RGS3: variants seen among roughly 807,000 people sequenced by gnomAD.
The protein encoded by RGS3 is regulator of G-protein signalling 3.
Under a neutral mutation model 132.6 loss-of-function variants are expected in RGS3, and 80 were observed. The observed-to-expected ratio is 0.60, with a 90% CI of 0.50 to 0.73. RGS3 has a LOEUF of 0.73. Ranked by LOEUF, RGS3 falls within the 30% of genes least tolerant of loss-of-function variation. The probability of loss-of-function intolerance (pLI) is 0.00; values close to 1 mark genes in which losing one functional copy is unlikely to be tolerated. For missense variants in RGS3, 1,382 were observed against 1,530.8 expected (o/e 0.90, Z 1.62); for synonymous variants, 598 against 620.6 (o/e 0.96, Z 0.54).
intron 19 of RGS3, among the ~76,000 whole-genome samples, chr9:113,572,867 T>C (rs1588271475): frequency 6.6e-6 from 1 of 152,208 alleles, no homozygotes; most frequent in Non-Finnish European, 1.5e-5. Context: ...GCTTCCAAGT[T>C]TCCCCCCCTG....
intron 1 of RGS3, among the ~76,000 whole-genome samples, chr9:113,449,801 G>GCCGTGATCTC: frequency 6.6e-6 from 1 of 151,996 alleles, no homozygotes; most frequent in East Asian, 1.9e-4. Flanking sequence ...GGAGTGCAGT[G>GCCGTGATCTC]GCTCAGTCTT....
intron 15 of RGS3, among the ~76,000 whole-genome samples, chr9:113,515,851 C>T (rs1322001734): frequency 6.6e-6 from 1 of 152,144 alleles, no homozygotes; most frequent in African/African-American, 2.4e-5. Context: ...GTTGCCCACT[C>T]TTCTTTTATA....
chr9:113,565,089 G>A lies in RGS3; in HGVS notation c.2038-18361G>A. The A allele has an allele frequency of 6.0e-6, 7 of 1,158,050 alleles. No homozygotes were observed. Among genetic ancestry groups the A allele is most frequent in the East Asian group, 6.6e-5 (1 of 15,206 alleles). 71.7% of individuals were successfully genotyped at this position (1,158,050 alleles called of 1,614,324 possible). A position where few individuals can be genotyped will look rare whatever the true frequency, so the allele number is the denominator to read the frequency against. On this transcript the variant is annotated intron_variant, in intron 19 of 24. Transcript: ENST00000350696. This position sits in a 1 kb window ranked among gnomAD's most constrained non-coding sequence, Gnocchi z 5.7. ...GGGGGTGCCGTTGTGAGGGATGGAC[G>A]CCTCTCCCCCGGAGCAGCACTTTGG... is the stretch of plus-strand genomic sequence containing the variant.
At position 113,524,156 on chromosome 9, in the gene RGS3, G is replaced by T. The variant is rs551855393; in HGVS notation, c.1870+1115G>T. 2.0e-5 allele frequency among the ~76,000 whole-genome samples: 3 copies of T among 152,282 alleles called. No individual in the cohort carries two copies. The East Asian group carries it at 5.8e-4, about 29-fold the overall frequency. On this transcript the variant is annotated intron_variant, in intron 17 of 24. Transcript: ENST00000350696. ...CCCCATGCCTGCTGGAGGGCATTAG[G>T]TTGGAGTTCCAGTGGCCTCTGTTCC...
chr9:113,535,809 A>T (rs1051507324), intron 18 of RGS3, among the ~76,000 whole-genome samples: 1 of 152,018 alleles, frequency 6.6e-6, no homozygotes, highest in African/African-American at 2.4e-5. Context: ...ATCAAATTCT[A>T]GTGGAGGCAG....
chr9:113,496,657 TCTCCTGCCTCAGC>T (rs1830693678), intron 8 of RGS3, among the ~76,000 whole-genome samples: 1 of 152,086 alleles, frequency 6.6e-6, no homozygotes. Flanking sequence ...TTCAAGCAAT[TCTCCTGCCTCAGC>T]CTCCTGAGTA....
intron 3 of RGS3, among the ~76,000 whole-genome samples, chr9:113,465,013 G>A (rs1054508189): frequency 1.3e-5 from 2 of 152,202 alleles, no homozygotes; most frequent in East Asian, 1.9e-4. Context: ...CTAGTTGGTG[G>A]ACGATAAAGG....
chr9:113,583,318 C>A, intron 19 of RGS3, 132 bp from the exon 18 acceptor site: 1 of 1,440,556 alleles, frequency 6.9e-7, no homozygotes. Flanking sequence ...GGGGTTCCAT[C>A]TGGCACCTCA....
intron 10 of RGS3, chr9:113,501,431 G>A: frequency 6.8e-7 from 1 of 1,474,680 alleles, no homozygotes; most frequent in Non-Finnish European, 9.0e-7. Flanking sequence ...CAGGGCTTGG[G>A]GAGGTGAGAG....
At chr9:113,551,686 T>TAACAAC (rs141307420) in intron 19 of RGS3, among the ~76,000 whole-genome samples, 2 of 151,584 alleles carry the variant, frequency 1.3e-5, no homozygotes, top group Non-Finnish European at 2.9e-5. Flanking sequence ...CTGTCTCTAC[T>TAACAAC]AACAACAACA....
intron 16 of RGS3, 43 bp from the exon 15 acceptor site, chr9:113,522,887 G>T (rs746069129): frequency 7.5e-7 from 1 of 1,334,148 alleles, no homozygotes; most frequent in South Asian, 1.2e-5. Context: ...AGCCTCCAGA[G>T]GACAGCAAAG....
intron 1 of RGS3, among the ~76,000 whole-genome samples, chr9:113,453,203 AC>A (rs1396656522): frequency 1.6e-4 from 19 of 118,604 alleles, no homozygotes; most frequent in Admixed American, 1.6e-3. Flanking sequence ...TACATAATAT[AC>A]TCATTATATG....
chr9:113,520,474 TG>T (rs1831891007), intron 16 of RGS3, among the ~76,000 whole-genome samples: 1 of 152,060 alleles, frequency 6.6e-6, no homozygotes, highest in Admixed American at 6.5e-5. Context: ...ACCTTGCTCA[TG>T]GTTCTTCCCC....
chr9:113,462,957 G>A (rs1829510739), intron 3 of RGS3, among the ~76,000 whole-genome samples: 1 of 152,198 alleles, frequency 6.6e-6, no homozygotes. Flanking sequence ...AAACTGCTAC[G>A]AGGAGGTGTC....
chr9:113,505,058 A>G (rs1261198998), intron 10 of RGS3: 22 of 213,528 alleles, frequency 1.0e-4, no homozygotes, highest in East Asian at 5.1e-4. Context: ...TCTGTGAGAA[A>G]GGAAGAAGGG....
chr9:113,470,911 G>T (rs906375160), intron 3 of RGS3, among the ~76,000 whole-genome samples: 16 of 152,174 alleles, frequency 1.1e-4, no homozygotes, highest in African/African-American at 3.6e-4. Context: ...ACTACAGTGA[G>T]CTGTGATTGT....
rs1251386982 is a variant in RGS3 at position 113,591,299 on chromosome 9, C to T, written c.3016-34C>T. On this transcript the variant is annotated intron_variant, in intron 20 of 24. Coordinates refer to ENST00000350696, the Ensembl canonical transcript of RGS3. This position sits in a 1 kb window ranked among gnomAD's most constrained non-coding sequence, Gnocchi z 4.4. ...TTACTTAGGCAGGAGTTCCTGGGTG[C>T]CCAGACTGCATCGTGTCTGTCTTCT... The T allele has an allele frequency of 6.2e-7, 1 of 1,600,922 alleles. No homozygotes were observed. The highest frequency in any genetic ancestry group is 8.6e-7 in the Non-Finnish European group (1 of 1,169,120).
intron 3 of RGS3, among the ~76,000 whole-genome samples, chr9:113,472,352 A>G (rs1430259303): frequency 6.6e-6 from 1 of 152,250 alleles, no homozygotes; most frequent in East Asian, 1.9e-4. Context: ...ATAGTAGCCA[A>G]AAAGTCGAAA....
At chr9:113,455,153 G>T (rs1829339181) in intron 1 of RGS3, among the ~76,000 whole-genome samples, 1 of 152,154 alleles carries the variant, frequency 6.6e-6, no homozygotes, top group Non-Finnish European at 1.5e-5. Flanking sequence ...GGCACAGCTT[G>T]TCTCTTTTCT....
Sources: allele counts gnomAD v4.1 joint callset (sites outside exome capture counted in the v4.1 genomes callset), GRCh38; gene constraint gnomAD v4.1.1; non-coding constraint Gnocchi (gnomAD v3.1); transcripts MANE v1.5; gene names NCBI Gene and HGNC (gene_info 2026-07-23, HGNC 2026-07-21).